The following PTPRD variants were observed in gnomAD, a reference collection of about 807,000 sequenced individuals.
PTPRD encodes the protein receptor-type tyrosine-protein phosphatase delta.
Under a neutral mutation model 214.5 loss-of-function variants are expected in PTPRD, and 34 were observed. That is an observed-to-expected ratio of 0.16 (90% CI 0.12 to 0.21). PTPRD has a LOEUF of 0.21. Among genes scored for constraint, PTPRD ranks in the 10% least tolerant of loss-of-function variants. The pLI, the probability that PTPRD is intolerant of heterozygous loss-of-function variation, is 1.00. For missense variants in PTPRD, 2,545 were observed against 2,398.7 expected (o/e 1.06, Z -1.27); for synonymous variants, 1,128 against 845.7 (o/e 1.33, Z -5.79).
At chr9:9,832,804 T>G (rs1054792136) in intron 5 of PTPRD, among the ~76,000 whole-genome samples, 1 of 151,886 alleles carries the variant, frequency 6.6e-6, no homozygotes, top group South Asian at 2.1e-4. Context: ...CAGGATTACA[T>G]GCTGACTGTA....
intron 8 of PTPRD, among the ~76,000 whole-genome samples, chr9:9,415,808 A>G (rs1006537635): frequency 3.3e-5 from 5 of 152,216 alleles, no homozygotes; most frequent in Non-Finnish European, 7.3e-5. Flanking sequence ...AGTGTTTAGA[A>G]GAGCAAGAAA....
At chr9:9,942,400 T>C (rs527990251) in intron 4 of PTPRD, among the ~76,000 whole-genome samples, 1 of 152,198 alleles carries the variant, frequency 6.6e-6, no homozygotes, top group South Asian at 2.1e-4. Flanking sequence ...ACCAGCACTC[T>C]CCCCAAAACG....
At chr9:10,124,081 AG>A (rs2098797139) in intron 3 of PTPRD, among the ~76,000 whole-genome samples, 1 of 152,214 alleles carries the variant, frequency 6.6e-6, no homozygotes, top group South Asian at 2.1e-4. Context: ...CTGCATTTAG[AG>A]AACTGGCCAG....
intron 7 of PTPRD, among the ~76,000 whole-genome samples, chr9:9,650,742 A>G (rs895997862): frequency 1.2e-4 from 19 of 152,150 alleles, no homozygotes; most frequent in Admixed American, 4.6e-4. Flanking sequence ...AAGTTTATCT[A>G]TGTAACAAAG....
At chr9:9,038,445 A>G (rs191659198) in intron 10 of PTPRD, among the ~76,000 whole-genome samples, 1 of 152,262 alleles carries the variant, frequency 6.6e-6, no homozygotes, top group African/African-American at 2.4e-5. Flanking sequence ...CTGAACATGT[A>G]CACGAACATG....
intron 4 of PTPRD, among the ~76,000 whole-genome samples, chr9:9,942,809 G>T (rs2091827809): frequency 6.6e-6 from 1 of 151,292 alleles, no homozygotes; most frequent in African/African-American, 2.4e-5. Context: ...TATCCAAGTT[G>T]CAATTTATAA....
rs956155734 is a variant in PTPRD, at chr9:8,780,332, T to C, written c.-103-46386A>G. ...TTTTCCCCGAGAGTAGGTGTAAACATGTAAAAATATTCCTTAAATACCAAT... is the reference window on the plus strand; with the variant it reads ...TTTTCCCCGAGAGTAGGTGTAAACACGTAAAAATATTCCTTAAATACCAAT... On this transcript the variant is annotated intron_variant, in intron 11 of 45. Transcript: ENST00000381196. Among the ~76,000 whole-genome samples the C allele has an allele frequency of 4.0e-5, 6 of 151,462 alleles. No individual in the cohort carries two copies. In the South Asian group the frequency reaches 8.4e-4, roughly 21 times the overall value.
intron 3 of PTPRD, among the ~76,000 whole-genome samples, chr9:10,108,609 G>A (rs577515138): frequency 6.6e-6 from 1 of 151,870 alleles, no homozygotes. Context: ...CAATCCTACT[G>A]CTGGGTATTT....
intron 7 of PTPRD, among the ~76,000 whole-genome samples, chr9:9,720,547 T>C (rs1221578015): frequency 6.6e-6 from 1 of 152,128 alleles, no homozygotes; most frequent in Admixed American, 6.5e-5. Context: ...GTGTGTTGCT[T>C]TGAGTTAGAA....
intron 2 of PTPRD, among the ~76,000 whole-genome samples, chr9:10,516,814 A>G (rs2050274781): frequency 6.6e-6 from 1 of 151,512 alleles, no homozygotes; most frequent in Admixed American, 6.6e-5. Flanking sequence ...TCCCAGCACC[A>G]TTTGCTGAAG....
intron 24 of PTPRD, among the ~76,000 whole-genome samples, 171 bp downstream of exon 24, chr9:8,500,583 A>AAAAAAAG (rs1563868151): frequency 6.1e-4 from 90 of 146,404 alleles, no homozygotes; most frequent in African/African-American, 2.1e-3. Context: ...AAAAAAAAAA[A>AAAAAAAG]AAAAAAAGGC....
intron 14 of PTPRD, among the ~76,000 whole-genome samples, chr9:8,553,834 G>A (rs10120877): frequency 0.04 from 6,118 of 152,156 alleles, 360 homozygotes; most frequent in African/African-American, 0.13. Context: ...AGGAGATGGA[G>A]CACCTACAGT....
intron 11 of PTPRD, among the ~76,000 whole-genome samples, chr9:8,871,286 C>A (rs1336003916): frequency 6.6e-6 from 1 of 152,122 alleles, no homozygotes. Context: ...TACTTAATTG[C>A]AGTATATTCT....
At chr9:8,357,641 T>C (rs965672725) in intron 39 of PTPRD, among the ~76,000 whole-genome samples, 2 of 152,266 alleles carry the variant, frequency 1.3e-5, no homozygotes, top group African/African-American at 4.8e-5. Context: ...AAAATGAAGT[T>C]TTTTTCTTAA....
At chr9:9,151,903 A>G (rs1351211012) in intron 10 of PTPRD, among the ~76,000 whole-genome samples, 1 of 152,196 alleles carries the variant, frequency 6.6e-6, no homozygotes, top group Non-Finnish European at 1.5e-5. Context: ...TGTCATTTCT[A>G]ACAATGTGTT....
chr9:8,803,085 G>C (rs929999763), intron 11 of PTPRD, among the ~76,000 whole-genome samples: 2 of 151,856 alleles, frequency 1.3e-5, no homozygotes, highest in Non-Finnish European at 2.9e-5. Flanking sequence ...TAAATAAAAT[G>C]GACATAATAA....
At chr9:9,057,880 G>A (rs187698135) in intron 10 of PTPRD, among the ~76,000 whole-genome samples, 4 of 152,082 alleles carry the variant, frequency 2.6e-5, no homozygotes, top group Admixed American at 2.0e-4. Flanking sequence ...TATAATATTA[G>A]CACAAGACAT....
intron 2 of PTPRD, among the ~76,000 whole-genome samples, chr9:10,544,695 GACA>G (rs1167829176): frequency 1.3e-5 from 2 of 152,144 alleles, no homozygotes; most frequent in South Asian, 2.1e-4. Flanking sequence ...TGTGTAATCT[GACA>G]ACATCCTCTT....
chr9:10,332,831 G>A (rs1278762438), intron 3 of PTPRD, among the ~76,000 whole-genome samples: 2 of 151,722 alleles, frequency 1.3e-5, no homozygotes, highest in Non-Finnish European at 2.9e-5. Flanking sequence ...TAAGCAAAAC[G>A]CTTTGTCCCG....
Sources: allele counts gnomAD v4.1 joint callset (sites outside exome capture counted in the v4.1 genomes callset), GRCh38; gene constraint gnomAD v4.1.1; transcripts MANE v1.5; gene names NCBI Gene and HGNC (gene_info 2026-07-23, HGNC 2026-07-21).